Variants in PCDH15 observed in about 807,000 individuals in gnomAD.
PCDH15 encodes protocadherin-15.
PCDH15 carries 129 observed loss-of-function variants against 178.5 expected under a neutral mutation model. The ratio of observed to expected loss-of-function variants is 0.72; its 90% CI spans 0.63 to 0.84. The LOEUF is 0.84. PCDH15 is among the 40% of genes least tolerant of loss of function. The probability of loss-of-function intolerance (pLI) is 0.00; values close to 1 mark genes in which losing one functional copy is unlikely to be tolerated. For missense variants in PCDH15, 2,230 were observed against 2,099.9 expected, an observed-to-expected ratio of 1.06 and a Z score of -1.21; for synonymous variants, 800 against 732.0, an observed-to-expected ratio of 1.09 and a Z score of -1.50.
intron 2 of PCDH15, among the ~76,000 whole-genome samples, chr10:54,954,917 G>T (rs1838442085): frequency 6.6e-6 from 1 of 151,104 alleles, no homozygotes; most frequent in Admixed American, 6.6e-5. Context: ...GAATATATGT[G>T]CCTTGTGAAT....
At chr10:55,260,992 A>C (rs886536489) in intron 1 of PCDH15, among the ~76,000 whole-genome samples, 1 of 152,152 alleles carries the variant, frequency 6.6e-6, no homozygotes, top group Admixed American at 6.5e-5. Flanking sequence ...TTTCTATTGA[A>C]TAGTGATGCT....
intron 2 of PCDH15, among the ~76,000 whole-genome samples, chr10:55,108,929 CAA>C (rs1422496618): frequency 6.6e-6 from 1 of 152,074 alleles, no homozygotes; most frequent in Non-Finnish European, 1.5e-5. Context: ...CAGTCACTAC[CAA>C]AATGATGATC....
rs541738897 is a variant in PCDH15, at chr10:54,890,697, T to C, written c.-29+6753A>G. Among the ~76,000 whole-genome samples the C allele has an allele frequency of 2.6e-5, 4 of 152,146 alleles. No individual in the cohort carries two copies. In the South Asian group the frequency reaches 8.3e-4, roughly 32 times the overall value. Reference sequence around the variant, plus strand: ...GTATAACACATCACTTGGGATACCATTTGTCTTTATCCATCAAAAATATTT... The same window carrying C: ...GTATAACACATCACTTGGGATACCACTTGTCTTTATCCATCAAAAATATTT... On this transcript the variant is annotated intron_variant, in intron 3 of 5. Transcript: ENST00000458638.
At chr10:54,164,270 A>G (rs546826688) in intron 13 of PCDH15, among the ~76,000 whole-genome samples, 88 of 152,336 alleles carry the variant, frequency 5.8e-4, no homozygotes, top group Non-Finnish European at 8.8e-4. Context: ...TGGAAATATT[A>G]AAGTGTATTG....
chr10:54,491,844 A>G (rs1014507328), intron 3 of PCDH15, among the ~76,000 whole-genome samples: 41 of 152,128 alleles, frequency 2.7e-4, no homozygotes, highest in Admixed American at 2.5e-3. Flanking sequence ...CTATTTGCTC[A>G]TTACTGATTC....
intron 3 of PCDH15, among the ~76,000 whole-genome samples, chr10:54,895,807 C>T (rs919417386): frequency 6.6e-6 from 1 of 152,022 alleles, no homozygotes; most frequent in African/African-American, 2.4e-5. Context: ...TTTTTTTTAG[C>T]CATACACGTT....
At chr10:54,562,110 C>A (rs1013601014) in intron 2 of PCDH15, among the ~76,000 whole-genome samples, 2 of 150,170 alleles carry the variant, frequency 1.3e-5, no homozygotes, top group African/African-American at 4.9e-5. Flanking sequence ...CCTGCCTCAA[C>A]CTCCCAAGTA....
intron 8 of PCDH15, among the ~76,000 whole-genome samples, chr10:54,262,877 G>A (rs1164762646): frequency 6.6e-6 from 1 of 152,146 alleles, no homozygotes; most frequent in East Asian, 1.9e-4. Context: ...TAGTTGGTTG[G>A]GCTTGCCGCC....
intron 2 of PCDH15, among the ~76,000 whole-genome samples, chr10:55,071,814 A>C (rs538657258): frequency 1.3e-5 from 2 of 152,228 alleles, no homozygotes; most frequent in East Asian, 3.9e-4. Context: ...GCACCACACC[A>C]CACCTATTCC....
intron 28 of PCDH15, among the ~76,000 whole-genome samples, chr10:53,850,248 T>A (rs550519904): frequency 6.6e-6 from 1 of 152,292 alleles, no homozygotes; most frequent in Non-Finnish European, 1.5e-5. Context: ...AACAGAATTT[T>A]AAATCTGTGC....
chr10:54,576,710 A>T lies in PCDH15; in HGVS notation c.92-48833T>A, dbSNP rs568133045. ...GTATCCAGATCAGATAAAACGTTGGACACTGGTTAACACAGTATGGTCCAC... is the reference window on the plus strand; with the variant it reads ...GTATCCAGATCAGATAAAACGTTGGTCACTGGTTAACACAGTATGGTCCAC... On this transcript the variant is annotated intron_variant, in intron 2 of 37. Transcript: ENST00000644397. Among the ~76,000 whole-genome samples, 31 of 152,278 alleles carry T rather than the reference A, an allele frequency of 2.0e-4. No individual in the cohort carries two copies. The East Asian group carries it at 5.0e-3, about 25-fold the overall frequency.
At position 53,827,480 on chromosome 10, in the gene PCDH15, G is replaced by C. The variant is rs1054476980; in HGVS notation, c.4280C>G (p.Pro1427Arg). 2 of 1,614,026 alleles carry C rather than the reference G, an allele frequency of 1.2e-6. No homozygotes were observed. The highest frequency in any genetic ancestry group is 1.7e-6 in the Non-Finnish European group (2 of 1,179,932). The change falls in exon 32 of 38, where the codon CCG (proline) becomes CGG (arginine). Residue 1427 changes from proline (P) to arginine (R), a missense_variant. Coordinates refer to ENST00000644397, the MANE Select transcript of PCDH15 (RefSeq NM_001384140.1). Reference sequence around the variant, plus strand: ...GGGCGCTGCCACTGGTGCAGGAGCCGGCACTGCTGGTTTAGCCGCGGGTAA... The same window carrying C: ...GGGCGCTGCCACTGGTGCAGGAGCCCGCACTGCTGGTTTAGCCGCGGGTAA... ...AALPAAKPAV[P>R]APAPVAAPPP...
intron 8 of PCDH15, among the ~76,000 whole-genome samples, chr10:54,278,365 T>C (rs1336564997): frequency 6.6e-6 from 1 of 151,616 alleles, no homozygotes; most frequent in Non-Finnish European, 1.5e-5. Context: ...AAATTTATTG[T>C]ATTTTTTGGA....
In PCDH15 at chr10:53,938,939, A is replaced by T; in HGVS notation, c.3249T>A (p.Asn1083Lys). The change falls in exon 25 of 38, where the codon AAT becomes AAA. Residue 1083 changes from asparagine to lysine, a missense_variant. Asn to Lys is a moderately conservative substitution (Grantham distance 94). Coordinates refer to ENST00000644397, the MANE Select transcript of PCDH15 (RefSeq NM_001384140.1). ...SGNEEDTFGI[N>K]NITGVIYVNG... The stretch of plus-strand genomic sequence containing the variant: ...TCACATAGATAACACCTGTGATGTT[A>T]TTAATTCCAAATGTATCTAGAAATT... 6.2e-7 allele frequency: 1 copy of T among 1,612,794 alleles called. No individual in the cohort carries two copies. Among genetic ancestry groups the T allele is most frequent in the Non-Finnish European group, 8.5e-7 (1 of 1,178,974 alleles).
intron 3 of PCDH15, among the ~76,000 whole-genome samples, chr10:54,436,021 GGAGAGGAGAGGAGAGA>G (rs774983626): frequency 0.27 from 24,909 of 92,394 alleles, 2,787 homozygotes; most frequent in Middle Eastern, 0.41. Context: ...GGAGAGGAGA[GGAGAGGAGAGGAGAGA>G]GAGAGAGAGA....
chr10:54,237,491 T>C (rs1225521268), intron 8 of PCDH15, among the ~76,000 whole-genome samples: 3 of 152,158 alleles, frequency 2.0e-5, no homozygotes, highest in East Asian at 3.8e-4. Context: ...TAAGAAATAA[T>C]GTTTAAAATT....
At chr10:54,899,261 A>T (rs1242589057) in intron 2 of PCDH15, among the ~76,000 whole-genome samples, 2 of 152,072 alleles carry the variant, frequency 1.3e-5, no homozygotes. Context: ...TCCTTAAGGT[A>T]TTTTTTAGTT....
chr10:53,933,427 G>T (rs1254337605), intron 25 of PCDH15, among the ~76,000 whole-genome samples: 1 of 150,470 alleles, frequency 6.6e-6, no homozygotes, highest in African/African-American at 2.5e-5. Context: ...TGTGGTGTTT[G>T]GTTTTTTGTC....
chr10:54,185,792 A>T (rs540038865), intron 11 of PCDH15, among the ~76,000 whole-genome samples: 3 of 152,184 alleles, frequency 2.0e-5, no homozygotes, highest in African/African-American at 7.2e-5. Flanking sequence ...TATAAATATC[A>T]TGCTTACTCT....
Sources: allele counts gnomAD v4.1 joint callset (sites outside exome capture counted in the v4.1 genomes callset), GRCh38; gene constraint gnomAD v4.1.1; transcripts MANE v1.5; gene names NCBI Gene and HGNC (gene_info 2026-07-23, HGNC 2026-07-21).